The following PCDH9 variants were observed in gnomAD, a reference collection of about 807,000 sequenced individuals.
The protein encoded by PCDH9 is protocadherin 9.
PCDH9 carries 24 observed loss-of-function variants against 70.6 expected under a neutral mutation model. The observed-to-expected ratio is 0.34, with a 90% CI of 0.25 to 0.48. PCDH9 has a LOEUF of 0.48. Among genes scored for constraint, PCDH9 ranks in the 20% least tolerant of loss-of-function variants. The probability of loss-of-function intolerance (pLI) is 0.99; values close to 1 mark genes in which losing one functional copy is unlikely to be tolerated. For synonymous variants in PCDH9, 562 were observed against 558.5 expected, an observed-to-expected ratio of 1.01 and a Z score of -0.09; for missense variants, 1,281 against 1,503.6, an observed-to-expected ratio of 0.85 and a Z score of 2.45.
At chr13:66,732,037 T>G (rs1486544432) in intron 3 of PCDH9, among the ~76,000 whole-genome samples, 1 of 151,980 alleles carries the variant, frequency 6.6e-6, no homozygotes, top group Admixed American at 6.5e-5. Context: ...GTATTTTCCT[T>G]CCATATTCAA....
chr13:67,179,175 A>T (rs2088549351), intron 2 of PCDH9, among the ~76,000 whole-genome samples: 1 of 152,064 alleles, frequency 6.6e-6, no homozygotes, highest in African/African-American at 2.4e-5. Context: ...ACTCGGAATT[A>T]GTAAAATTTC....
At chr13:67,197,688 T>C (rs1343170351) in intron 2 of PCDH9, among the ~76,000 whole-genome samples, 2 of 151,968 alleles carry the variant, frequency 1.3e-5, no homozygotes, top group African/African-American at 4.8e-5. Flanking sequence ...GAAATGACAA[T>C]TTTTAAATGA....
intron 4 of PCDH9, among the ~76,000 whole-genome samples, chr13:66,458,134 T>C (rs576477079): frequency 6.6e-6 from 1 of 152,144 alleles, no homozygotes; most frequent in East Asian, 1.9e-4. Context: ...AAACTTTAAC[T>C]CCCTAAAATC....
At chr13:67,184,360 C>T (rs1235653081) in intron 2 of PCDH9, among the ~76,000 whole-genome samples, 1 of 152,102 alleles carries the variant, frequency 6.6e-6, no homozygotes, top group Non-Finnish European at 1.5e-5. Context: ...ATCATGTTTG[C>T]CTTTTGACTG....
At chr13:66,924,334 T>G (rs191911602) in intron 2 of PCDH9, among the ~76,000 whole-genome samples, 1 of 151,848 alleles carries the variant, frequency 6.6e-6, no homozygotes, top group East Asian at 1.9e-4. Flanking sequence ...TTTAAAATAT[T>G]CCTATTTTAA....
At chr13:67,041,214 G>A (rs368192051) in intron 2 of PCDH9, among the ~76,000 whole-genome samples, 5 of 152,108 alleles carry the variant, frequency 3.3e-5, no homozygotes, top group Admixed American at 2.0e-4. Flanking sequence ...GAGAGATGGC[G>A]TGGGATAGTA....
intron 2 of PCDH9, chr13:67,214,792 G>T (rs1293465364): frequency 6.6e-6 from 1 of 151,280 alleles, no homozygotes; most frequent in Non-Finnish European, 1.5e-5. Context: ...ATAGAAATCA[G>T]ATTCAAGAAA....
At chr13:66,507,329 T>G (rs1168864115) in intron 4 of PCDH9, among the ~76,000 whole-genome samples, 3 of 152,184 alleles carry the variant, frequency 2.0e-5, no homozygotes, top group African/African-American at 7.2e-5. Flanking sequence ...TTTTTCTTCA[T>G]TTTTATGTAG....
chr13:67,105,612 ATCTTT>A (rs2086524092), intron 2 of PCDH9, among the ~76,000 whole-genome samples: 1 of 152,212 alleles, frequency 6.6e-6, no homozygotes, highest in Admixed American at 6.5e-5. Context: ...ATGATGCAGC[ATCTTT>A]TTAAAACTGT....
In PCDH9 at chr13:66,996,142, A is replaced by G. The variant is rs1320429914; in HGVS notation, c.3037-92537T>C. The G allele has an allele frequency of 2.6e-5, 4 of 152,188 alleles. No homozygotes were observed. The East Asian group carries it at 5.8e-4, about 22-fold the overall frequency. 9.4% of individuals were successfully genotyped at this position (152,188 alleles called of 1,614,324 possible). ...ACAAGGAAAGTGCTATGTAAACTGA[A>G]GCTTGGGTTCTCAGAAGAGGTTTCA... On this transcript the variant is annotated intron_variant, in intron 2 of 4. Transcript: ENST00000377865.
Position 66,676,598 on chromosome 13 carries a change from C to T in PCDH9, c.3139-45187G>A, listed in dbSNP as rs553495913. On this transcript the variant is annotated intron_variant, in intron 3 of 4. Transcript: ENST00000377865. ...TCAGTGAAGCTGGAATTTTCACCTA[C>T]GCCTGTTACCCCCAAAACAGGTCTC... Among the ~76,000 whole-genome samples the T allele has an allele frequency of 7.0e-4, 107 of 152,244 alleles. 1 individual carries two copies. The highest frequency in any genetic ancestry group is 2.2e-3 in the African/African-American group (92 of 41,564).
At chr13:66,526,527 C>CTCTCTG (rs937332820) in intron 4 of PCDH9, among the ~76,000 whole-genome samples, 5 of 151,268 alleles carry the variant, frequency 3.3e-5, no homozygotes, top group Non-Finnish European at 5.9e-5. Flanking sequence ...CTCTCTCTCT[C>CTCTCTG]TCTCTGTCTC....
At chr13:66,767,288 A>C (rs549865005) in intron 3 of PCDH9, among the ~76,000 whole-genome samples, 1 of 152,230 alleles carries the variant, frequency 6.6e-6, no homozygotes, top group African/African-American at 2.4e-5. Context: ...TGTTATATTT[A>C]AGGCAAAATC....
intron 4 of PCDH9, among the ~76,000 whole-genome samples, chr13:66,555,544 G>C (rs183291963): frequency 2.0e-5 from 3 of 151,820 alleles, no homozygotes; most frequent in African/African-American, 7.2e-5. Context: ...GCATACCATA[G>C]TTAAATTTGT....
intron 2 of PCDH9, among the ~76,000 whole-genome samples, chr13:66,924,258 A>G (rs1280833342): frequency 6.6e-6 from 1 of 151,866 alleles, no homozygotes. Flanking sequence ...GTCTTCAAAT[A>G]CAGATAAAGC....
At chr13:67,220,729 T>A (rs1175034294) in intron 2 of PCDH9, 1 of 152,100 alleles carries the variant, frequency 6.6e-6, no homozygotes, top group African/African-American at 2.4e-5. Context: ...TGTCACCACA[T>A]ATACTATTTT....
intron 2 of PCDH9, among the ~76,000 whole-genome samples, chr13:66,943,850 A>G (rs973598555): frequency 2.0e-5 from 3 of 152,146 alleles, no homozygotes. Flanking sequence ...ATGGGCCAGG[A>G]AGCTTGCTTG....
At chr13:66,972,199 A>C (rs887840743) in intron 2 of PCDH9, among the ~76,000 whole-genome samples, 5 of 151,934 alleles carry the variant, frequency 3.3e-5, no homozygotes, top group African/African-American at 1.2e-4. Flanking sequence ...AATTACTTAC[A>C]AGGGTAATTT....
intron 3 of PCDH9, among the ~76,000 whole-genome samples, chr13:66,836,730 T>C (rs2081027617): frequency 6.6e-6 from 1 of 152,228 alleles, no homozygotes; most frequent in African/African-American, 2.4e-5. Flanking sequence ...TGTTTCCTAA[T>C]AAATCCATCA....
Sources: allele counts gnomAD v4.1 joint callset (sites outside exome capture counted in the v4.1 genomes callset), GRCh38; gene constraint gnomAD v4.1.1; transcripts MANE v1.5; gene names NCBI Gene and HGNC (gene_info 2026-07-23, HGNC 2026-07-21).